KIAA1958: variants seen among roughly 807,000 people sequenced by gnomAD.
The protein encoded by KIAA1958 is KIAA1958, also known as uncharacterized protein KIAA1958.
A neutral mutation model predicts 47.2 loss-of-function variants in KIAA1958; 14 were observed. The ratio of observed to expected loss-of-function variants is 0.30; its 90% CI spans 0.20 to 0.46. KIAA1958 has a LOEUF of 0.46. KIAA1958 is among the 20% of genes least tolerant of loss of function. The probability of loss-of-function intolerance (pLI) is 1.00; values close to 1 mark genes in which losing one functional copy is unlikely to be tolerated. For missense variants in KIAA1958, 803 were observed against 909.2 expected (o/e 0.88, Z 1.50); for synonymous variants, 354 against 353.3 (o/e 1.00, Z -0.02).
chr9:112,497,199 A>G (rs1003084919), intron 1 of KIAA1958, among the ~76,000 whole-genome samples: 1 of 152,174 alleles, frequency 6.6e-6, no homozygotes, highest in Non-Finnish European at 1.5e-5. Flanking sequence ...TGGGCTGAGT[A>G]GTGTCCCTGC....
At chr9:112,628,213 T>C (rs895396997) in intron 2 of KIAA1958, among the ~76,000 whole-genome samples, 6 of 152,226 alleles carry the variant, frequency 3.9e-5, no homozygotes, top group Non-Finnish European at 5.9e-5. Context: ...AAGATTCTTT[T>C]AATAAAGGGG....
chr9:112,639,722 A>G (rs186714099), intron 2 of KIAA1958, among the ~76,000 whole-genome samples: 31 of 152,300 alleles, frequency 2.0e-4, no homozygotes, highest in Admixed American at 2.0e-3. Context: ...TGAAGTTCCA[A>G]CACACCTCAA....
intron 2 of KIAA1958, among the ~76,000 whole-genome samples, chr9:112,626,246 T>C: frequency 6.6e-6 from 1 of 152,216 alleles, no homozygotes; most frequent in East Asian, 1.9e-4. Context: ...TCTTGCTTAC[T>C]CTTCTGAAAA....
At chr9:112,609,298 A>G (rs1678845898) in intron 2 of KIAA1958, among the ~76,000 whole-genome samples, 1 of 152,244 alleles carries the variant, frequency 6.6e-6, no homozygotes, top group African/African-American at 2.4e-5. Context: ...CAATGGAGCT[A>G]TAGGGCACAC....
chr9:112,488,519 C>G (rs1184087196), intron 1 of KIAA1958, among the ~76,000 whole-genome samples: 1 of 152,082 alleles, frequency 6.6e-6, no homozygotes, highest in Non-Finnish European at 1.5e-5. Context: ...TCTGGAAACT[C>G]TTTTTTGCCC....
intron 2 of KIAA1958, chr9:112,619,299 C>T (rs1188997434): frequency 6.6e-6 from 1 of 152,178 alleles, no homozygotes; most frequent in Non-Finnish European, 1.5e-5. Context: ...GTTCCCACCC[C>T]AACTCCCCTT....
chr9:112,517,503 G>A (rs948240841), intron 1 of KIAA1958, among the ~76,000 whole-genome samples: 2 of 152,112 alleles, frequency 1.3e-5, no homozygotes, highest in African/African-American at 4.8e-5. Context: ...GGAATAAAAC[G>A]TTGGAGAAAA....
chr9:112,667,252 G>A lies in KIAA1958; in HGVS notation c.*7183G>A, dbSNP rs748325590. 2 of 152,122 alleles carry A rather than the reference G, an allele frequency of 1.3e-5. No individual in the cohort carries two copies. Among genetic ancestry groups the A allele is most frequent in the Admixed American group, 6.5e-5 (1 of 15,270 alleles). 9.4% of individuals were successfully genotyped at this position (152,122 alleles called of 1,614,324 possible). A position where few individuals can be genotyped will look rare whatever the true frequency, so the allele number is the denominator to read the frequency against. On this transcript the variant is annotated 3_prime_UTR_variant, in exon 4 of 4. Coordinates refer to ENST00000337530, the MANE Select transcript of KIAA1958 (RefSeq NM_133465.4). ...AAGAAAGGACCACGTTTAAGGATGA[G>A]TATAGAGAAAAAAATAAAATGAGGC...
intron 2 of KIAA1958, among the ~76,000 whole-genome samples, chr9:112,602,245 A>C (rs1055916453): frequency 1.3e-5 from 2 of 152,190 alleles, no homozygotes; most frequent in African/African-American, 4.8e-5. Context: ...AAAAGATTGC[A>C]GGTATTAGGA....
At chr9:112,649,636 C>G (rs1048130278) in intron 3 of KIAA1958, among the ~76,000 whole-genome samples, 5 of 152,008 alleles carry the variant, frequency 3.3e-5, no homozygotes, top group Non-Finnish European at 7.4e-5. Context: ...ATATTATATA[C>G]AGAGGAACAA....
intron 1 of KIAA1958, among the ~76,000 whole-genome samples, chr9:112,563,751 G>A (rs1835377254): frequency 6.6e-6 from 1 of 151,590 alleles, no homozygotes; most frequent in Admixed American, 6.6e-5. Context: ...TTCAGTGCTA[G>A]GACCTCTAGT....
At chr9:112,604,986 A>C (rs1365419203) in intron 2 of KIAA1958, among the ~76,000 whole-genome samples, 1 of 147,362 alleles carries the variant, frequency 6.8e-6, no homozygotes, top group Non-Finnish European at 1.5e-5. Flanking sequence ...TATATATTTT[A>C]TGTATAACAT....
intron 3 of KIAA1958, among the ~76,000 whole-genome samples, chr9:112,649,621 AAG>A (rs1339319650): frequency 6.6e-6 from 1 of 152,184 alleles, no homozygotes; most frequent in African/African-American, 2.4e-5. Context: ...CCAGATAAAA[AAG>A]ACATATTATA....
intron 1 of KIAA1958, among the ~76,000 whole-genome samples, chr9:112,512,678 G>A (rs1004204024): frequency 3.3e-5 from 5 of 151,356 alleles, no homozygotes; most frequent in Non-Finnish European, 7.4e-5. Context: ...AATAATGGCC[G>A]GGCAAGATAA....
At chr9:112,543,775 G>A (rs1380411571) in intron 1 of KIAA1958, among the ~76,000 whole-genome samples, 2 of 151,960 alleles carry the variant, frequency 1.3e-5, no homozygotes, top group African/African-American at 4.8e-5. Flanking sequence ...GTTTCTCCGT[G>A]TTGGTCAGGC....
At chr9:112,626,434 A>G (rs1163555526) in intron 2 of KIAA1958, among the ~76,000 whole-genome samples, 1 of 152,112 alleles carries the variant, frequency 6.6e-6, no homozygotes, top group Non-Finnish European at 1.5e-5. Flanking sequence ...TTGATATTAC[A>G]CTGGAATTAG....
At chr9:112,582,722 G>GAAA (rs768292925) in intron 2 of KIAA1958, 15 of 121,870 alleles carry the variant, frequency 1.2e-4, no homozygotes, top group Admixed American at 9.4e-4. Context: ...CAATAGCCCT[G>GAAA]AAAAAAAAAA....
In KIAA1958 at chr9:112,662,978, A is replaced by G. The variant is rs1837304091; in HGVS notation, c.*2909A>G. The G allele has an allele frequency of 6.6e-6, 1 of 152,178 alleles. No homozygotes were observed. Among genetic ancestry groups the G allele is most frequent in the Non-Finnish European group, 1.5e-5 (1 of 68,032 alleles). 9.4% of individuals were successfully genotyped at this position (152,178 alleles called of 1,614,324 possible). A position where few individuals can be genotyped will look rare whatever the true frequency, so the allele number is the denominator to read the frequency against. ...GATTTTCTGCTCTTGGCCTAATGCAAGAGAAAGGAGAATCCCCAGAGAAAG... is the reference window on the plus strand; with the variant it reads ...GATTTTCTGCTCTTGGCCTAATGCAGGAGAAAGGAGAATCCCCAGAGAAAG... On this transcript the variant is annotated 3_prime_UTR_variant, in exon 4 of 4. Coordinates refer to ENST00000337530, the MANE Select transcript of KIAA1958 (RefSeq NM_133465.4).
At chr9:112,518,052 G>T (rs1339867635) in intron 1 of KIAA1958, among the ~76,000 whole-genome samples, 1 of 152,164 alleles carries the variant, frequency 6.6e-6, no homozygotes, top group Non-Finnish European at 1.5e-5. Flanking sequence ...TTAAGTGTTT[G>T]CCCAATAGAA....
Sources: gnomAD v4.1 joint callset for allele counts (sites outside exome capture counted in the v4.1 genomes callset) on GRCh38, gnomAD v4.1.1 for gene constraint, MANE v1.5 for transcripts, NCBI Gene and HGNC (gene_info 2026-07-23, HGNC 2026-07-21) for gene names.